MTUS2: variants seen among roughly 807,000 people sequenced by gnomAD.
MTUS2 encodes the protein microtubule associated scaffold protein 2.
MTUS2 carries 40 observed loss-of-function variants against 114.1 expected under a neutral mutation model. The observed-to-expected ratio is 0.35, with a 90% CI of 0.27 to 0.46. The LOEUF (loss-of-function observed/expected upper bound fraction) is 0.46, where lower values mean the gene tolerates loss of function less well. MTUS2 is among the 20% of genes least tolerant of loss of function. The probability of loss-of-function intolerance (pLI) is 1.00; values close to 1 mark genes in which losing one functional copy is unlikely to be tolerated. For synonymous variants in MTUS2, 688 were observed against 672.0 expected, an observed-to-expected ratio of 1.02 and a Z score of -0.37; for missense variants, 1,679 against 1,705.4, an observed-to-expected ratio of 0.98 and a Z score of 0.27.
At chr13:29,020,662 A>G (rs955278729) in intron 2 of MTUS2, among the ~76,000 whole-genome samples, 9 of 152,070 alleles carry the variant, frequency 5.9e-5, no homozygotes, top group Non-Finnish European at 8.8e-5. Context: ...TTGTTTTTCT[A>G]TTCTTGTTCT....
In MTUS2 at chr13:29,196,127, C is replaced by T. The variant is rs1393371703; in HGVS notation, c.2645-85577C>T. Reference sequence around the variant, plus strand: ...TTTTTTTTTTTTTGAGATGGAGTCTCGCTCTGTCGCCGAGGTGGGAGTGCA... The same window carrying T: ...TTTTTTTTTTTTTGAGATGGAGTCTTGCTCTGTCGCCGAGGTGGGAGTGCA... On this transcript the variant is annotated intron_variant, in intron 5 of 15. Coordinates refer to ENST00000612955, the MANE Select transcript of MTUS2 (RefSeq NM_001033602.4). Among the ~76,000 whole-genome samples, 6 of 149,842 alleles carry T rather than the reference C, an allele frequency of 4.0e-5. 1 individual carries two copies. The highest frequency in any genetic ancestry group is 3.9e-4 in the East Asian group (2 of 5,102).
intron 2 of MTUS2, among the ~76,000 whole-genome samples, chr13:28,923,487 T>C (rs1451798474): frequency 6.6e-6 from 1 of 152,240 alleles, no homozygotes; most frequent in Non-Finnish European, 1.5e-5. Flanking sequence ...TAATTTAATC[T>C]TTAAGACTGT....
chr13:29,015,509 C>CA (rs1319356559), intron 2 of MTUS2, among the ~76,000 whole-genome samples: 2 of 152,128 alleles, frequency 1.3e-5, no homozygotes, highest in Non-Finnish European at 1.5e-5. Context: ...GCAAATGAAA[C>CA]AAAAACCCAT....
At chr13:28,863,603 C>A (rs975975959) in intron 2 of MTUS2, among the ~76,000 whole-genome samples, 1 of 152,204 alleles carries the variant, frequency 6.6e-6, no homozygotes, top group African/African-American at 2.4e-5. Context: ...CACATCTTAG[C>A]AGAAGAATGT....
intron 1 of MTUS2, among the ~76,000 whole-genome samples, chr13:28,820,933 C>G (rs1448502618): frequency 6.6e-6 from 1 of 152,156 alleles, no homozygotes; most frequent in Non-Finnish European, 1.5e-5. Flanking sequence ...GAGTCTTCGT[C>G]TTAATTTAGT....
chr13:28,960,591 G>A (rs1014656597), intron 2 of MTUS2, among the ~76,000 whole-genome samples: 9 of 152,150 alleles, frequency 5.9e-5, no homozygotes, highest in Non-Finnish European at 7.4e-5. Flanking sequence ...AGTAAAAGAA[G>A]CCAGACACAG....
At chr13:29,273,019 G>A (rs924132292) in intron 5 of MTUS2, among the ~76,000 whole-genome samples, 20 of 152,166 alleles carry the variant, frequency 1.3e-4, no homozygotes, top group Admixed American at 6.5e-5. Context: ...GCAATATGAA[G>A]CCTCTTTGAT....
At chr13:29,456,165 TATAAA>T (rs1450551083) in intron 9 of MTUS2, among the ~76,000 whole-genome samples, 1 of 152,062 alleles carries the variant, frequency 6.6e-6, no homozygotes, top group Non-Finnish European at 1.5e-5. Flanking sequence ...TAAAAACTAT[TATAAA>T]AGAACCAAAT....
intron 5 of MTUS2, among the ~76,000 whole-genome samples, chr13:29,213,187 A>G (rs1439772681): frequency 6.6e-6 from 1 of 152,236 alleles, no homozygotes; most frequent in Non-Finnish European, 1.5e-5. Context: ...CAGAGACCAA[A>G]TATATATGTT....
intron 9 of MTUS2, among the ~76,000 whole-genome samples, chr13:29,476,256 T>C (rs1880693655): frequency 6.6e-6 from 1 of 152,216 alleles, no homozygotes; most frequent in Non-Finnish European, 1.5e-5. Flanking sequence ...AATTTCCTAA[T>C]AAAGCATTTG....
chr13:29,088,682 T>C (rs892324302), intron 4 of MTUS2, among the ~76,000 whole-genome samples: 1 of 152,244 alleles, frequency 6.6e-6, no homozygotes, highest in East Asian at 1.9e-4. Context: ...AATCATCTTA[T>C]TGTATTGAAC....
rs200964424 is a variant in MTUS2 at position 29,367,938 on chromosome 13, ACTT to A, written c.3117+8469_3117+8471del. ...TTTCTTTTTTTTCCTCCTAGAATCT[ACTT>A]CTTTTTTTTTTTTTTGAGATGGAGT... is the stretch of plus-strand genomic sequence containing the variant. On this transcript the variant is annotated intron_variant, in intron 8 of 15. Coordinates refer to ENST00000612955, the MANE Select transcript of MTUS2 (RefSeq NM_001033602.4). Among the ~76,000 whole-genome samples the A allele has an allele frequency of 6.8e-3, 771 of 113,888 alleles. 5 individuals are homozygous for A. The highest frequency in any genetic ancestry group is 0.024 in the African/African-American group (737 of 31,174). The allele number at this position is 113,888 out of a possible 152,430, so 74.7% of individuals were successfully genotyped here. A position where few individuals can be genotyped will look rare whatever the true frequency, so the allele number is the denominator to read the frequency against.
chr13:29,120,434 A>G (rs75195171), intron 5 of MTUS2, among the ~76,000 whole-genome samples: 2 of 152,040 alleles, frequency 1.3e-5, no homozygotes, highest in Non-Finnish European at 2.9e-5. Flanking sequence ...GCATGAGACT[A>G]TTTTTATACT....
chr13:29,424,316 C>T (rs565305736), intron 8 of MTUS2, among the ~76,000 whole-genome samples: 8 of 152,110 alleles, frequency 5.3e-5, no homozygotes, highest in South Asian at 2.1e-4. Flanking sequence ...CAAAATATAA[C>T]GTACCCCATA....
intron 5 of MTUS2, among the ~76,000 whole-genome samples, chr13:29,204,367 C>T (rs532723235): frequency 6.6e-6 from 1 of 152,288 alleles, no homozygotes; most frequent in South Asian, 2.1e-4. Context: ...GCGGATGGGC[C>T]GGGGTTGCCA....
intron 5 of MTUS2, among the ~76,000 whole-genome samples, chr13:29,148,362 CA>C (rs1566032910): frequency 6.9e-6 from 1 of 145,830 alleles, no homozygotes; most frequent in African/African-American, 2.6e-5. Context: ...TCCCTCTTCC[CA>C]CCTCCACCCT....
chr13:29,447,961 A>T (rs1262346488), intron 9 of MTUS2, among the ~76,000 whole-genome samples: 1 of 152,166 alleles, frequency 6.6e-6, no homozygotes, highest in Non-Finnish European at 1.5e-5. Context: ...AAGAGCACTG[A>T]TGTATTTGTA....
chr13:28,860,696 C>T (rs1205379538), intron 2 of MTUS2, among the ~76,000 whole-genome samples: 1 of 152,146 alleles, frequency 6.6e-6, no homozygotes, highest in Admixed American at 6.5e-5. Flanking sequence ...CCTGTGTGTG[C>T]TGGATATTGG....
At chr13:29,279,690 C>G (rs1898194493) in intron 5 of MTUS2, among the ~76,000 whole-genome samples, 1 of 152,054 alleles carries the variant, frequency 6.6e-6, no homozygotes, top group South Asian at 2.1e-4. Context: ...TTTGGTAATT[C>G]AAGCCCTCCC....
Sources: allele counts gnomAD v4.1 joint callset (sites outside exome capture counted in the v4.1 genomes callset), GRCh38; gene constraint gnomAD v4.1.1; transcripts MANE v1.5; gene names NCBI Gene and HGNC (gene_info 2026-07-23, HGNC 2026-07-21).